Variants in PCSK2 observed in about 807,000 individuals in gnomAD.
PCSK2 encodes the protein proprotein convertase subtilisin/kexin type 2.
Under a neutral mutation model 69.7 loss-of-function variants are expected in PCSK2, and 14 were observed. The ratio of observed to expected loss-of-function variants is 0.20; its 90% CI spans 0.13 to 0.31. The LOEUF (loss-of-function observed/expected upper bound fraction) is 0.31. PCSK2 is among the 10% of genes least tolerant of loss of function. PCSK2 has a pLI of 1.00. For synonymous variants in PCSK2, 307 were observed against 320.7 expected, an observed-to-expected ratio of 0.96 and a Z score of 0.46; for missense variants, 544 against 842.5, an observed-to-expected ratio of 0.65 and a Z score of 4.39.
At chr20:17,397,303 G>T (rs1286533097) in intron 5 of PCSK2, among the ~76,000 whole-genome samples, 1 of 152,092 alleles carries the variant, frequency 6.6e-6, no homozygotes, top group Non-Finnish European at 1.5e-5. Context: ...AATTGGGTGT[G>T]TTTTAAAATT....
At chr20:17,325,162 C>T (rs375040992) in intron 2 of PCSK2, among the ~76,000 whole-genome samples, 1 of 152,134 alleles carries the variant, frequency 6.6e-6, no homozygotes, top group African/African-American at 2.4e-5. Flanking sequence ...TTGCCTCCCT[C>T]CCAAGAAGTC....
chr20:17,227,312 G>A lies in PCSK2; in HGVS notation c.7G>A (p.Gly3Ser). 1 of 1,613,650 alleles carries A rather than the reference G, an allele frequency of 6.2e-7. No individual in the cohort carries two copies. The highest frequency in any genetic ancestry group is 8.5e-7 in the Non-Finnish European group (1 of 1,179,896). ...TTTTCACTCCCAAAGAAGGATGAAG[G>A]GTGGTTGTGTCTCCCAGTGGAAGGC... Reference protein sequence around the residue: MKGGCVSQWKAAA... With the variant: MKSGCVSQWKAAA... Residue 3 changes from glycine to serine, a missense_variant, in exon 1 of 12, where the codon GGT (glycine) becomes AGT (serine). Physicochemically the swap from Gly to Ser is moderately conservative, Grantham distance 56. This residue lies in a region of PCSK2 where 157 missense variants were observed against 155.0 expected (regional missense o/e 1.01). Transcript: ENST00000262545.
intron 11 of PCSK2, among the ~76,000 whole-genome samples, chr20:17,469,548 A>G (rs955775489): frequency 7.2e-6 from 1 of 138,780 alleles, no homozygotes; most frequent in East Asian, 2.0e-4. Context: ...CAGAAAGGAT[A>G]AAAAAAAAAA....
intron 2 of PCSK2, among the ~76,000 whole-genome samples, chr20:17,316,916 T>C (rs1989707636): frequency 6.6e-6 from 1 of 152,178 alleles, no homozygotes; most frequent in Non-Finnish European, 1.5e-5. Context: ...TAAAAAAATC[T>C]GGTTCAGCAG....
intron 2 of PCSK2, among the ~76,000 whole-genome samples, chr20:17,342,524 G>T (rs1315210021): frequency 4.6e-5 from 7 of 152,090 alleles, no homozygotes; most frequent in Non-Finnish European, 1.0e-4. Flanking sequence ...TCACCATGTT[G>T]TCCAGGCTGG....
At chr20:17,481,106 C>T (rs1283869648) in intron 11 of PCSK2, among the ~76,000 whole-genome samples, 2 of 152,246 alleles carry the variant, frequency 1.3e-5, no homozygotes, top group African/African-American at 4.8e-5. Context: ...CACAGCCGGG[C>T]GTGGTGGCTC....
intron 2 of PCSK2, among the ~76,000 whole-genome samples, chr20:17,274,282 C>A (rs1261255938): frequency 6.6e-6 from 1 of 152,106 alleles, no homozygotes. Context: ...GTGGGATACA[C>A]CCCGGGATGC....
intron 10 of PCSK2, among the ~76,000 whole-genome samples, chr20:17,458,928 G>A (rs1324247875): frequency 6.6e-6 from 1 of 152,090 alleles, no homozygotes; most frequent in Non-Finnish European, 1.5e-5. Context: ...CGAATATTTA[G>A]GTTTCTCTCA....
chr20:17,375,259 A>G (rs1344732380), intron 5 of PCSK2, among the ~76,000 whole-genome samples: 1 of 152,138 alleles, frequency 6.6e-6, no homozygotes, highest in African/African-American at 2.4e-5. Flanking sequence ...TGGACCTCCC[A>G]GTGAGCTTAG....
At chr20:17,246,226 C>A (rs1986766426) in intron 1 of PCSK2, among the ~76,000 whole-genome samples, 1 of 152,134 alleles carries the variant, frequency 6.6e-6, no homozygotes, top group Non-Finnish European at 1.5e-5. Flanking sequence ...CATGTCAGTA[C>A]CTCAATTTTC....
chr20:17,454,150 C>T (rs1037866953), intron 9 of PCSK2, among the ~76,000 whole-genome samples, 193 bp downstream of exon 9: 1 of 152,200 alleles, frequency 6.6e-6, no homozygotes, highest in African/African-American at 2.4e-5. Flanking sequence ...CATCTGCGAG[C>T]TAGTAGCATG....
chr20:17,447,125 G>T (rs960371092), intron 8 of PCSK2, among the ~76,000 whole-genome samples: 2 of 151,856 alleles, frequency 1.3e-5, no homozygotes, highest in African/African-American at 4.8e-5. Context: ...ATAAAAATTG[G>T]CTGGGCACAG....
intron 2 of PCSK2, among the ~76,000 whole-genome samples, chr20:17,314,142 C>A (rs1258020437): frequency 6.6e-6 from 1 of 152,046 alleles, no homozygotes; most frequent in Non-Finnish European, 1.5e-5. Flanking sequence ...AAAAACTGAG[C>A]AATTTTAGCC....
At chr20:17,479,525 C>T in intron 11 of PCSK2, 1 of 359,500 alleles carries the variant, frequency 2.8e-6, no homozygotes, top group Non-Finnish European at 5.3e-6. Flanking sequence ...TACGGCCGGG[C>T]GCGGTGGCTC....
intron 2 of PCSK2, among the ~76,000 whole-genome samples, chr20:17,309,906 G>A (rs577387226): frequency 6.6e-6 from 1 of 150,528 alleles, no homozygotes; most frequent in Non-Finnish European, 1.5e-5. Flanking sequence ...GGAAGAAGAA[G>A]AAGAAAGGGA....
chr20:17,433,812 T>TCTCTCTCTCTCTCTCTCTCC (rs774361715), intron 7 of PCSK2, among the ~76,000 whole-genome samples: 2 of 104,132 alleles, frequency 1.9e-5, no homozygotes, highest in Non-Finnish European at 3.8e-5. Context: ...TCTCTCTCTC[T>TCTCTCTCTCTCTCTCTCTCC]CCCCCCACTT....
chr20:17,243,416 T>C (rs1336811070), intron 1 of PCSK2, among the ~76,000 whole-genome samples: 2 of 152,052 alleles, frequency 1.3e-5, no homozygotes, highest in Non-Finnish European at 2.9e-5. Context: ...CCCAGGCTGG[T>C]CTCAAACTCC....
chr20:17,275,380 T>A (rs544006319), intron 2 of PCSK2, among the ~76,000 whole-genome samples: 2 of 152,224 alleles, frequency 1.3e-5, no homozygotes, highest in South Asian at 4.2e-4. Flanking sequence ...ATTGTCTATG[T>A]GGGCTCCAGG....
intron 2 of PCSK2, among the ~76,000 whole-genome samples, chr20:17,298,996 T>C (rs918846546): frequency 5.9e-5 from 9 of 152,230 alleles, no homozygotes; most frequent in Non-Finnish European, 1.2e-4. Context: ...AATGTATGTG[T>C]TACAAATATT....
Sources: gnomAD v4.1 joint callset for allele counts (sites outside exome capture counted in the v4.1 genomes callset) on GRCh38, gnomAD v4.1.1 for gene constraint, gnomAD v4.1.1 regional missense constraint, MANE v1.5 for transcripts, NCBI Gene and HGNC (gene_info 2026-07-23, HGNC 2026-07-21) for gene names.